Variants in PCED1B observed in about 807,000 individuals in gnomAD.
The protein encoded by PCED1B is PC-esterase domain-containing protein 1B.
For missense variants in PCED1B, 573 were observed against 573.9 expected (o/e 1.00, Z 0.02); for synonymous variants, 251 against 246.1 (o/e 1.02, Z -0.19).
chr12:47,158,200 AT>A (rs542752862), intron 2 of PCED1B, among the ~76,000 whole-genome samples: 165 of 152,298 alleles, frequency 1.1e-3, no homozygotes, highest in Middle Eastern at 0.01. Context: ...GATCATGGTA[AT>A]TCTTCAGTTT....
intron 2 of PCED1B, among the ~76,000 whole-genome samples, chr12:47,106,560 T>G (rs1043905975): frequency 2.6e-5 from 4 of 152,108 alleles, no homozygotes; most frequent in African/African-American, 9.7e-5. Context: ...CCTCTCAACC[T>G]GCCTTGCCCA....
intron 2 of PCED1B, among the ~76,000 whole-genome samples, chr12:47,152,811 T>G (rs1279822333): frequency 1.3e-5 from 2 of 152,048 alleles, no homozygotes; most frequent in Non-Finnish European, 2.9e-5. Flanking sequence ...GGCGCACACC[T>G]ATAGTCCCAG....
chr12:47,170,054 C>T (rs189323195), intron 2 of PCED1B, among the ~76,000 whole-genome samples: 1,993 of 152,110 alleles, frequency 0.013, 21 homozygotes, highest in Non-Finnish European at 0.018. Flanking sequence ...CCTTCCACAG[C>T]GTTTGTGTCC....
At position 47,153,355 on chromosome 12, in the gene PCED1B, CAAA is replaced by C. The variant is rs11299918; in HGVS notation, c.-526+49179_-526+49181del. On this transcript the variant is annotated intron_variant, in intron 2 of 3. Transcript: ENST00000546455. ...TGGGTGACAGAGCAAGACTCCTTCT[CAAA>C]AAAAAAAAAAAAAAAAAAGAGAATA... 7.1e-4 allele frequency among the ~76,000 whole-genome samples: 68 copies of C among 95,262 alleles called. No individual in the cohort carries two copies. In the East Asian group the frequency reaches 0.01, roughly 15 times the overall value. The allele number at this position is 95,262 out of a possible 152,430, so 62.5% of individuals were successfully genotyped here. A position where few individuals can be genotyped will look rare whatever the true frequency, so the allele number is the denominator to read the frequency against.
chr12:47,119,859 G>A (rs557835976), intron 2 of PCED1B, among the ~76,000 whole-genome samples: 1 of 151,798 alleles, frequency 6.6e-6, no homozygotes, highest in Non-Finnish European at 1.5e-5. Context: ...CAGCTACTTG[G>A]GGGAGGCTGA....
At chr12:47,123,675 T>C (rs970969759) in intron 2 of PCED1B, among the ~76,000 whole-genome samples, 2 of 152,086 alleles carry the variant, frequency 1.3e-5, no homozygotes, top group African/African-American at 4.8e-5. Flanking sequence ...TGCATATTTG[T>C]TACAATGAGT....
At chr12:47,190,378 C>T (rs1383957702) in intron 2 of PCED1B, among the ~76,000 whole-genome samples, 1 of 152,196 alleles carries the variant, frequency 6.6e-6, no homozygotes, top group African/African-American at 2.4e-5. Flanking sequence ...TCCTCCTTGT[C>T]CTGGTCTCCA....
intron 3 of PCED1B, among the ~76,000 whole-genome samples, chr12:47,229,115 G>C (rs1232570701): frequency 6.6e-6 from 1 of 151,492 alleles, no homozygotes; most frequent in African/African-American, 2.4e-5. Flanking sequence ...AAAATGCTTG[G>C]AATAAAAAGT....
chr12:47,099,660 T>C (rs945642411), intron 1 of PCED1B, among the ~76,000 whole-genome samples: 3 of 152,200 alleles, frequency 2.0e-5, no homozygotes, highest in African/African-American at 4.8e-5. Flanking sequence ...TGCGCCCTTG[T>C]ACTTCTGTGA....
chr12:47,090,221 T>A (rs145379698), intron 1 of PCED1B, among the ~76,000 whole-genome samples: 2 of 152,044 alleles, frequency 1.3e-5, no homozygotes, highest in African/African-American at 4.8e-5. Flanking sequence ...TATGGTAGAA[T>A]GATGATCACA....
intron 2 of PCED1B, among the ~76,000 whole-genome samples, chr12:47,163,150 T>C (rs896457291): frequency 6.6e-6 from 1 of 151,992 alleles, no homozygotes; most frequent in Non-Finnish European, 1.5e-5. Flanking sequence ...TTCTCACTTG[T>C]TAGTATGTAA....
intron 2 of PCED1B, chr12:47,208,692 G>C (rs1308553259): frequency 6.6e-6 from 1 of 152,002 alleles, no homozygotes; most frequent in Non-Finnish European, 1.5e-5. Flanking sequence ...TTTTTGTATA[G>C]ATAGGGTCTC....
chr12:47,159,352 A>G (rs1271089068), intron 2 of PCED1B, among the ~76,000 whole-genome samples: 1 of 152,116 alleles, frequency 6.6e-6, no homozygotes, highest in Non-Finnish European at 1.5e-5. Flanking sequence ...GTACTAATTG[A>G]TATTCCTACC....
chr12:47,205,022 C>T (rs1433930946), intron 2 of PCED1B, among the ~76,000 whole-genome samples: 2 of 152,130 alleles, frequency 1.3e-5, no homozygotes, highest in East Asian at 1.9e-4. Flanking sequence ...GGAATTGCAA[C>T]AGAGAAAGTG....
At chr12:47,082,586 A>G (rs139315102) in intron 1 of PCED1B, among the ~76,000 whole-genome samples, 16 of 152,340 alleles carry the variant, frequency 1.1e-4, no homozygotes, top group African/African-American at 3.8e-4. Flanking sequence ...TGATGGTGAT[A>G]ATAAATATGT....
intron 1 of PCED1B, among the ~76,000 whole-genome samples, chr12:47,100,947 A>G (rs1433468603): frequency 6.6e-6 from 1 of 152,022 alleles, no homozygotes; most frequent in African/African-American, 2.4e-5. Context: ...TGCATGCCTT[A>G]TAGTCCCAGC....
chr12:47,087,189 G>T (rs530834681), intron 1 of PCED1B, among the ~76,000 whole-genome samples: 10 of 152,194 alleles, frequency 6.6e-5, no homozygotes, highest in African/African-American at 2.4e-4. Flanking sequence ...AAGATAGAAG[G>T]ACCTCTCGAA....
chr12:47,229,863 G>A (rs1037647498), intron 3 of PCED1B, among the ~76,000 whole-genome samples: 4 of 149,864 alleles, frequency 2.7e-5, no homozygotes, highest in South Asian at 2.1e-4. Flanking sequence ...TCTGCCTCCC[G>A]GGTTCCTGCC....
intron 2 of PCED1B, among the ~76,000 whole-genome samples, chr12:47,120,409 GAA>G (rs936685942): frequency 1.3e-5 from 2 of 151,862 alleles, no homozygotes; most frequent in African/African-American, 4.8e-5. Context: ...ATTTATAATA[GAA>G]AAAAAGGTGG....
Sources: allele counts gnomAD v4.1 joint callset (sites outside exome capture counted in the v4.1 genomes callset), GRCh38; gene constraint gnomAD v4.1.1; transcripts MANE v1.5; gene names NCBI Gene and HGNC (gene_info 2026-07-23, HGNC 2026-07-21).